Variants in ESR1 observed in about 807,000 individuals in gnomAD.
ESR1 encodes the protein estrogen receptor.
Under a neutral mutation model 52.7 loss-of-function variants are expected in ESR1, and 12 were observed. The ratio of observed to expected loss-of-function variants is 0.23; its 90% CI spans 0.15 to 0.37. ESR1 has a LOEUF of 0.37. ESR1 is among the 10% of genes least tolerant of loss of function. The probability of loss-of-function intolerance (pLI) is 1.00; values close to 1 mark genes in which losing one functional copy is unlikely to be tolerated. For missense variants in ESR1, 584 were observed against 779.7 expected, an observed-to-expected ratio of 0.75 and a Z score of 2.99; for synonymous variants, 305 against 316.8, an observed-to-expected ratio of 0.96 and a Z score of 0.39.
At chr6:152,002,349 G>A (rs1044526682) in intron 4 of ESR1, among the ~76,000 whole-genome samples, 4 of 151,910 alleles carry the variant, frequency 2.6e-5, no homozygotes, top group East Asian at 1.9e-4. Context: ...AAAAGAGACC[G>A]TCTACTTCCC....
chr6:151,912,671 G>A (rs1339601473), intron 3 of ESR1, among the ~76,000 whole-genome samples: 1 of 152,114 alleles, frequency 6.6e-6, no homozygotes, highest in Non-Finnish European at 1.5e-5. Flanking sequence ...AGGATATCAG[G>A]AACAATAAGA....
At chr6:151,907,083 T>A (rs548842927) in intron 3 of ESR1, among the ~76,000 whole-genome samples, 1 of 152,058 alleles carries the variant, frequency 6.6e-6, no homozygotes, top group Non-Finnish European at 1.5e-5. Flanking sequence ...GATTCTGAGC[T>A]CTCTTCACTA....
intron 3 of ESR1, among the ~76,000 whole-genome samples, chr6:151,892,882 T>C (rs1437855320): frequency 1.3e-5 from 2 of 151,806 alleles, no homozygotes; most frequent in Non-Finnish European, 2.9e-5. Flanking sequence ...GCAGAGGGAG[T>C]TGTTTATAAA....
rs2050949416 is a variant in ESR1 at position 152,101,053 on chromosome 6, T to C, written c.*2087T>C. ...TATTTAGTTTTTTTTTTTTTTTTTG[T>C]ATACTTTTCAAGCTACCTTGTCATG... On this transcript the variant is annotated 3_prime_UTR_variant, in exon 8 of 8. Coordinates refer to ENST00000206249, the MANE Select transcript of ESR1 (RefSeq NM_000125.4). 4.7e-6 allele frequency: 1 copy of C among 214,144 alleles called. No homozygotes were observed. The highest frequency in any genetic ancestry group is 9.1e-6 in the Non-Finnish European group (1 of 109,374). 13.3% of individuals were successfully genotyped at this position (214,144 alleles called of 1,614,324 possible).
intron 4 of ESR1, among the ~76,000 whole-genome samples, chr6:151,998,217 C>A (rs1397291675): frequency 6.6e-6 from 1 of 152,072 alleles, no homozygotes; most frequent in Non-Finnish European, 1.5e-5. Flanking sequence ...TCTGAAGCAT[C>A]CCCATTGGGG....
At chr6:151,921,001 A>G (rs957862722) in intron 3 of ESR1, among the ~76,000 whole-genome samples, 2 of 152,062 alleles carry the variant, frequency 1.3e-5, no homozygotes, top group Admixed American at 1.3e-4. Flanking sequence ...AACGTGTGCC[A>G]TGGTGGTTTG....
At chr6:151,899,550 ACGGGGCGGC>A in intron 3 of ESR1, among the ~76,000 whole-genome samples, 1 of 141,384 alleles carries the variant, frequency 7.1e-6, no homozygotes, top group Middle Eastern at 3.8e-3. Context: ...TCCCTCCCGG[ACGGGGCGGC>A]TGGCCGGGCG....
chr6:151,710,621 G>A (rs889221422), intron 2 of ESR1, among the ~76,000 whole-genome samples: 5 of 151,916 alleles, frequency 3.3e-5, no homozygotes, highest in African/African-American at 7.3e-5. Flanking sequence ...TGTGCAGAAC[G>A]TGCAGGTTTG....
chr6:151,662,397 A>G (rs780954292), intron 1 of ESR1, among the ~76,000 whole-genome samples: 8 of 152,162 alleles, frequency 5.3e-5, no homozygotes, highest in Non-Finnish European at 1.0e-4. Context: ...ATACCAACCA[A>G]TGGGGCAGGT....
At chr6:151,974,361 C>T (rs1323888918) in intron 4 of ESR1, among the ~76,000 whole-genome samples, 2 of 148,954 alleles carry the variant, frequency 1.3e-5, no homozygotes, top group Non-Finnish European at 3.0e-5. Flanking sequence ...TCATTTTTTG[C>T]TGAGGGAAGG....
intron 3 of ESR1, among the ~76,000 whole-genome samples, chr6:151,930,210 C>A (rs2033387885): frequency 6.6e-6 from 1 of 152,026 alleles, no homozygotes; most frequent in Non-Finnish European, 1.5e-5. Flanking sequence ...GTCTTAAACT[C>A]CTGACCTCAG....
chr6:151,780,587 T>G (rs1786457389), intron 2 of ESR1, among the ~76,000 whole-genome samples: 1 of 152,200 alleles, frequency 6.6e-6, no homozygotes, highest in Non-Finnish European at 1.5e-5. Flanking sequence ...CTCATGATTC[T>G]AAGGTGGTAG....
At chr6:151,666,076 C>G (rs942552876) in intron 1 of ESR1, among the ~76,000 whole-genome samples, 2 of 152,148 alleles carry the variant, frequency 1.3e-5, no homozygotes, top group African/African-American at 2.4e-5. Flanking sequence ...TTTCTTTGGG[C>G]TCTTCATAGA....
intron 1 of ESR1, among the ~76,000 whole-genome samples, chr6:151,823,633 C>G (rs566379155): frequency 2.6e-4 from 40 of 152,136 alleles, no homozygotes; most frequent in African/African-American, 3.4e-4. Flanking sequence ...ACCCCCACCC[C>G]ACGACAGGTC....
chr6:151,814,774 T>C (rs1266595645), intron 1 of ESR1, among the ~76,000 whole-genome samples: 1 of 152,204 alleles, frequency 6.6e-6, no homozygotes, highest in African/African-American at 2.4e-5. Flanking sequence ...CTATATAAAG[T>C]GTGGTTTTGT....
chr6:151,767,298 G>A (rs950068193), intron 2 of ESR1, among the ~76,000 whole-genome samples: 1 of 152,138 alleles, frequency 6.6e-6, no homozygotes, highest in Non-Finnish European at 1.5e-5. Context: ...ATATATCTCA[G>A]CTTAAGAGAG....
At chr6:151,813,772 AT>A (rs1353017536) in intron 1 of ESR1, among the ~76,000 whole-genome samples, 1 of 152,124 alleles carries the variant, frequency 6.6e-6, no homozygotes, top group Non-Finnish European at 1.5e-5. Flanking sequence ...GTAATGTTCT[AT>A]TTTTTGGAGA....
intron 3 of ESR1, among the ~76,000 whole-genome samples, chr6:151,913,765 A>G (rs12199722): frequency 0.22 from 33,378 of 152,100 alleles, 4,564 homozygotes; most frequent in Middle Eastern, 0.36. Flanking sequence ...GAAGAATAAC[A>G]TGTATCAGAT....
chr6:151,678,887 C>A (rs1778352268), intron 1 of ESR1, among the ~76,000 whole-genome samples: 1 of 151,810 alleles, frequency 6.6e-6, no homozygotes, highest in African/African-American at 2.4e-5. Context: ...GGGTTTCACA[C>A]TGTTGACCAG....
Sources: allele counts gnomAD v4.1 joint callset (sites outside exome capture counted in the v4.1 genomes callset), GRCh38; gene constraint gnomAD v4.1.1; transcripts MANE v1.5; gene names NCBI Gene and HGNC (gene_info 2026-07-23, HGNC 2026-07-21).